The following DSG1 variants were observed in gnomAD, a reference collection of about 807,000 sequenced individuals.
The protein encoded by DSG1 is desmoglein 1.
Under a neutral mutation model 97.5 loss-of-function variants are expected in DSG1, and 39 were observed. That is an observed-to-expected ratio of 0.40 (90% confidence interval 0.31 to 0.52). The LOEUF (loss-of-function observed/expected upper bound fraction) is 0.52. DSG1 is among the 20% of genes least tolerant of loss of function. The pLI is 0.53. For synonymous variants in DSG1, 475 were observed against 443.4 expected, an observed-to-expected ratio of 1.07 and a Z score of -0.90; for missense variants, 1,311 against 1,295.4, an observed-to-expected ratio of 1.01 and a Z score of -0.18.
chr18:31,346,761 C>A (rs1391894552), intron 14 of DSG1, among the ~76,000 whole-genome samples: 3 of 152,188 alleles, frequency 2.0e-5, no homozygotes, highest in African/African-American at 7.2e-5. Context: ...TTTATAGAAC[C>A]TATCATTGCT....
At chr18:31,334,252 A>C in intron 8 of DSG1, 50 bp downstream of exon 8, 1 of 1,301,760 alleles carries the variant, frequency 7.7e-7, no homozygotes. Flanking sequence ...TTTTTTCAAA[A>C]TGTTAAACTT....
In DSG1 at chr18:31,356,580, A is replaced by G. The variant is rs1468971791; in HGVS notation, c.*1234A>G. 3 of 152,214 alleles carry G rather than the reference A, an allele frequency of 2.0e-5. No homozygotes were observed. The highest frequency in any genetic ancestry group is 6.5e-5 in the Admixed American group (1 of 15,280). The allele number at this position is 152,214 out of a possible 1,614,324, so 9.4% of individuals were successfully genotyped here. A position where few individuals can be genotyped will look rare whatever the true frequency, so the allele number is the denominator to read the frequency against. ...GTTGCTTTAGCAAACCTCTGCTGCC[A>G]TTTTGCAGGAATCAACCAGGAACCT... On this transcript the variant is annotated 3_prime_UTR_variant, in exon 15 of 15. Coordinates refer to ENST00000257192, the MANE Select transcript of DSG1 (RefSeq NM_001942.4).
intron 1 of DSG1, among the ~76,000 whole-genome samples, chr18:31,324,320 G>A (rs1210286064): frequency 2.7e-5 from 4 of 149,254 alleles, no homozygotes; most frequent in Admixed American, 6.7e-5. Flanking sequence ...GTTTGTTGTC[G>A]TTGTTCCTAG....
chr18:31,346,751 T>C (rs1368002668), intron 14 of DSG1, among the ~76,000 whole-genome samples: 1 of 152,238 alleles, frequency 6.6e-6, no homozygotes, highest in Non-Finnish European at 1.5e-5. Context: ...TGTTTACACA[T>C]TTATAGAACC....
intron 10 of DSG1, among the ~76,000 whole-genome samples, 198 bp downstream of exon 10, chr18:31,338,652 G>C (rs1598705722): frequency 6.6e-6 from 1 of 152,156 alleles, no homozygotes; most frequent in African/African-American, 2.4e-5. Context: ...AATGAGACTA[G>C]ATTTGTGTCT....
Position 31,355,102 on chromosome 18 carries a change from G to T in DSG1, c.2906G>T (p.Gly969Val). ...GTAACTGGAATTAGTGGCACCACTG[G>T]GATCAGCGGTGGCATAGGCAGCAGT... Reference protein sequence around the residue: ...AGVTGISGTTGISGGIGSSGL... With the variant: ...AGVTGISGTTVISGGIGSSGL... The change falls in exon 15 of 15, where the codon GGG becomes GTG. Residue 969 changes from glycine (G) to valine (V), a missense_variant. Gly to Val is a moderately radical substitution (Grantham distance 109). This residue lies in a region of DSG1 where 1,038 missense variants were observed against 964.6 expected (regional missense o/e 1.08). Transcript: ENST00000257192. 2 of 1,614,064 alleles carry T rather than the reference G, an allele frequency of 1.2e-6. No homozygotes were observed. The highest frequency in any genetic ancestry group is 2.2e-5 in the South Asian group (2 of 91,076).
chr18:31,324,266 G>A (rs1424428681), intron 1 of DSG1, among the ~76,000 whole-genome samples: 1 of 148,440 alleles, frequency 6.7e-6, no homozygotes, highest in Non-Finnish European at 1.5e-5. Context: ...ACAGGCGTGA[G>A]CCACAGCGCC....
rs916213010 is a variant in DSG1 at position 31,341,911 on chromosome 18, GT to G, written c.1688-1531del. ...TGAGTTTTGTTTGTTTGTTTTCTGG[GT>G]TTTTTTTGTTCTTTTGTTTTTTTGT... is the stretch of plus-strand genomic sequence containing the variant. On this transcript the variant is annotated intron_variant, in intron 11 of 14. Transcript: ENST00000257192. 2.0e-5 allele frequency among the ~76,000 whole-genome samples: 3 copies of G among 149,220 alleles called. No individual in the cohort carries two copies. In the Admixed American group the frequency reaches 2.0e-4, roughly 10 times the overall value.
rs1468745284 is a variant in DSG1 at position 31,318,730 on chromosome 18, T to TA, written c.48+382_48+383insA. Among the ~76,000 whole-genome samples, 3 of 116,850 alleles carry TA rather than the reference T, an allele frequency of 2.6e-5. 1 individual carries two copies. The highest frequency in any genetic ancestry group is 2.3e-4 in the Admixed American group (3 of 12,808). 76.7% of individuals were successfully genotyped at this position (116,850 alleles called of 152,430 possible). ...TCTGGATTTTTAACCTGTTTTTTTT[T>TA]TTATTTTTTTTGTGTGTTTGGTGGT... On this transcript the variant is annotated intron_variant, in intron 1 of 14. Transcript: ENST00000257192.
chr18:31,351,783 GA>G (rs2071898767), intron 14 of DSG1, among the ~76,000 whole-genome samples: 1 of 151,720 alleles, frequency 6.6e-6, no homozygotes, highest in African/African-American at 2.4e-5. Context: ...CAGAGACTAG[GA>G]TTGCAACCCC....
At position 31,358,683 on chromosome 18, in the gene DSG1, T is replaced by C. The variant is rs1185171090; in HGVS notation, c.*3337T>C. On this transcript the variant is annotated 3_prime_UTR_variant, in exon 15 of 15. Coordinates refer to ENST00000257192, the MANE Select transcript of DSG1 (RefSeq NM_001942.4). ...TTAGCATAAATGGCCATGACTATTTTGGAAAGACATTTAAGACCCAAAGCA... is the reference window on the plus strand; with the variant it reads ...TTAGCATAAATGGCCATGACTATTTCGGAAAGACATTTAAGACCCAAAGCA... 6.6e-6 allele frequency among the ~76,000 whole-genome samples: 1 copy of C among 152,134 alleles called. No homozygotes were observed. Among genetic ancestry groups the C allele is most frequent in the African/African-American group, 2.4e-5 (1 of 41,472 alleles).
At chr18:31,318,555 C>T (rs915048461) in intron 1 of DSG1, among the ~76,000 whole-genome samples, 1 of 152,118 alleles carries the variant, frequency 6.6e-6, no homozygotes, top group African/African-American at 2.4e-5. Flanking sequence ...TCAGTGTCAA[C>T]TCATTGTATT....
intron 4 of DSG1, among the ~76,000 whole-genome samples, chr18:31,329,263 T>G (rs537394556): frequency 6.6e-6 from 1 of 152,144 alleles, no homozygotes; most frequent in Non-Finnish European, 1.5e-5. Context: ...TTCTTAATAT[T>G]AAAAATAGAA....
At chr18:31,332,671 T>C (rs908872280) in intron 6 of DSG1, among the ~76,000 whole-genome samples, 2 of 152,124 alleles carry the variant, frequency 1.3e-5, no homozygotes, top group African/African-American at 4.8e-5. Flanking sequence ...ATTAATTTTG[T>C]TTTAATTATT....
At chr18:31,342,853 G>A (rs2071798369) in intron 11 of DSG1, among the ~76,000 whole-genome samples, 1 of 150,922 alleles carries the variant, frequency 6.6e-6, no homozygotes, top group African/African-American at 2.4e-5. Flanking sequence ...CCTAAATAAT[G>A]ACATGGAAAG....
At chr18:31,323,407 T>C (rs764208240) in intron 1 of DSG1, among the ~76,000 whole-genome samples, 1 of 152,210 alleles carries the variant, frequency 6.6e-6, no homozygotes. Flanking sequence ...AGGGACAAAG[T>C]CTAGGTCATT....
chr18:31,334,627 GTATT>G (rs1311256577), intron 8 of DSG1, among the ~76,000 whole-genome samples: 1 of 152,052 alleles, frequency 6.6e-6, no homozygotes, highest in Non-Finnish European at 1.5e-5. Flanking sequence ...AAATAAAAAT[GTATT>G]TATTCCTCCC....
chr18:31,324,037 G>A (rs2071670243), intron 1 of DSG1, among the ~76,000 whole-genome samples: 1 of 121,196 alleles, frequency 8.3e-6, no homozygotes, highest in South Asian at 3.0e-4. Flanking sequence ...CCCCAGGAGT[G>A]CAGTGGTGCA....
chr18:31,324,340 T>C (rs1240531467), intron 1 of DSG1, among the ~76,000 whole-genome samples: 1 of 151,792 alleles, frequency 6.6e-6, no homozygotes, highest in Non-Finnish European at 1.5e-5. Context: ...GTTCTATAAA[T>C]GTAGGAACTC....
Sources: allele counts gnomAD v4.1 joint callset (sites outside exome capture counted in the v4.1 genomes callset), GRCh38; gene constraint gnomAD v4.1.1; regional missense constraint gnomAD v4.1.1; transcripts MANE v1.5; gene names NCBI Gene and HGNC (gene_info 2026-07-23, HGNC 2026-07-21).